ABCA1: variants seen among roughly 807,000 people sequenced by gnomAD.
ABCA1 encodes the protein phospholipid-transporting ATPase ABCA1.
A neutral mutation model predicts 262.5 loss-of-function variants in ABCA1; 133 were observed. The observed-to-expected ratio is 0.51, with a 90% CI of 0.44 to 0.59. The LOEUF (loss-of-function observed/expected upper bound fraction) is 0.59. ABCA1 is among the 20% of genes least tolerant of loss of function. The pLI is 0.00. For synonymous variants in ABCA1, 1,022 were observed against 1,043.5 expected, an observed-to-expected ratio of 0.98 and a Z score of 0.40; for missense variants, 2,452 against 2,777.5, an observed-to-expected ratio of 0.88 and a Z score of 2.63.
In ABCA1 at chr9:104,816,170, A is replaced by G. The variant is rs1831735758; in HGVS notation, c.3711T>C (p.Tyr1237=). 6.2e-7 allele frequency: 1 copy of G among 1,614,180 alleles called. No homozygotes were observed. The highest frequency in any genetic ancestry group is 8.5e-7 in the Non-Finnish European group (1 of 1,180,026). The change falls in exon 25 of 50, where the codon TAT becomes TAC. Residue 1237 remains tyrosine (Y), a synonymous_variant. Coordinates refer to ENST00000374736, the MANE Select transcript of ABCA1 (RefSeq NM_005502.4). ...DRLSDLGISS[Y]GISETTLEEI... ...CTTCCAGGGTCGTCTCTGAGATGCC[A>G]TAACTAGAAATGCCCAGGTCTGAGA...
intron 5 of ABCA1, among the ~76,000 whole-genome samples, chr9:104,882,028 TAAAAA>T (rs557626075): frequency 0.036 from 2,622 of 73,702 alleles, 86 homozygotes; most frequent in Admixed American, 0.048. Flanking sequence ...TCTGTAGCCT[TAAAAA>T]AAAAAAAAAA....
chr9:104,805,974 GC>G (rs1476391146), intron 31 of ABCA1, among the ~76,000 whole-genome samples: 1 of 152,092 alleles, frequency 6.6e-6, no homozygotes, highest in Non-Finnish European at 1.5e-5. Flanking sequence ...ACATGGTGGT[GC>G]GTGCCTGTAA....
At chr9:104,792,111 T>C in intron 42 of ABCA1, 113 bp from the exon 43 acceptor site, 1 of 967,330 alleles carries the variant, frequency 1.0e-6, no homozygotes, top group Non-Finnish European at 1.6e-6. Context: ...GACTTGTCAA[T>C]AACCCTAAGC....
chr9:104,840,173 G>A (rs1056082102), intron 9 of ABCA1, 106 bp downstream of exon 9: 25 of 1,586,872 alleles, frequency 1.6e-5, no homozygotes, highest in Non-Finnish European at 2.0e-5. Context: ...AAATGGGCAT[G>A]TAGACATCTA....
At chr9:104,875,267 C>T (rs1234148533) in intron 5 of ABCA1, among the ~76,000 whole-genome samples, 2 of 149,288 alleles carry the variant, frequency 1.3e-5, no homozygotes, top group Non-Finnish European at 3.0e-5. Context: ...CGCTTGAATC[C>T]AGGAGGCGGT....
chr9:104,884,935 A>T (rs1219779164), intron 3 of ABCA1, among the ~76,000 whole-genome samples: 3 of 152,216 alleles, frequency 2.0e-5, no homozygotes, highest in Non-Finnish European at 4.4e-5. Context: ...TAAGGAGGTA[A>T]CTACGGTAAG....
chr9:104,801,790 C>T (rs935383496), intron 34 of ABCA1, among the ~76,000 whole-genome samples: 4 of 152,176 alleles, frequency 2.6e-5, no homozygotes, highest in Non-Finnish European at 4.4e-5. Context: ...GTGATCCACC[C>T]GCTTCGGCCT....
At chr9:104,920,848 A>T (rs1842105665) in intron 1 of ABCA1, among the ~76,000 whole-genome samples, 1 of 152,146 alleles carries the variant, frequency 6.6e-6, no homozygotes, top group African/African-American at 2.4e-5. Flanking sequence ...CACTCGTATG[A>T]ATAAATTTCA....
chr9:104,781,681 A>G lies in ABCA1; in HGVS notation c.*2634T>C, dbSNP rs1828555825. ...TGAATTGTGCTGGGCATTTATGTAT[A>G]GAGGGCTTATTATTTTCTTCTGTAT... is the stretch of plus-strand genomic sequence containing the variant. On this transcript the variant is annotated 3_prime_UTR_variant, in exon 50 of 50. Transcript: ENST00000374736. 1 of 152,590 alleles carries G rather than the reference A, an allele frequency of 6.6e-6. No homozygotes were observed. Among genetic ancestry groups the G allele is most frequent in the South Asian group, 2.1e-4 (1 of 4,834 alleles). 9.5% of individuals were successfully genotyped at this position (152,590 alleles called of 1,614,324 possible). A position where few individuals can be genotyped will look rare whatever the true frequency, so the allele number is the denominator to read the frequency against.
chr9:104,819,192 C>T (rs1032053321), intron 22 of ABCA1, among the ~76,000 whole-genome samples: 14 of 152,154 alleles, frequency 9.2e-5, no homozygotes, highest in African/African-American at 2.7e-4. Flanking sequence ...CTATTATTAT[C>T]GGCAAAGAAG....
chr9:104,889,261 A>G, intron 2 of ABCA1, 66 bp from the exon 3 acceptor site: 1 of 1,558,912 alleles, frequency 6.4e-7, no homozygotes, highest in Non-Finnish European at 8.7e-7. Flanking sequence ...TGCCACTGGG[A>G]TCTGGGAAAT....
chr9:104,820,870 C>T (rs1045554576), intron 20 of ABCA1, among the ~76,000 whole-genome samples: 2 of 152,200 alleles, frequency 1.3e-5, no homozygotes, highest in Non-Finnish European at 2.9e-5. Flanking sequence ...ACAGCTCAAC[C>T]ATTCACCTCC....
At chr9:104,815,253 G>T (rs73519841) in intron 25 of ABCA1, among the ~76,000 whole-genome samples, 8,112 of 152,272 alleles carry the variant, frequency 0.053, 693 homozygotes, top group African/African-American at 0.18. Flanking sequence ...CTAGTCTATA[G>T]ACCACTGTGT....
At chr9:104,805,119 G>T (rs938706873) in intron 31 of ABCA1, among the ~76,000 whole-genome samples, 5 of 152,066 alleles carry the variant, frequency 3.3e-5, no homozygotes, top group Admixed American at 3.3e-4. Context: ...GTGTTGCTCA[G>T]GCTGGAGTAC....
chr9:104,840,417 G>C lies in ABCA1; in HGVS notation c.916C>G (p.Arg306Gly), dbSNP rs369985671. The C allele has an allele frequency of 1.2e-6, 2 of 1,614,020 alleles. No individual in the cohort carries two copies. The highest frequency in any genetic ancestry group is 2.7e-5 in the African/African-American group (2 of 74,896). The part of the protein sequence containing the change: ...SSTQIYQAVS[R>G]IVCGHPEGGG... The stretch of plus-strand genomic sequence containing the variant: ...CCCTCGGGATGCCCGCAGACAATAC[G>C]AGACACAGCCTGGTAGATTTGGGTG... The change falls in exon 9 of 50, where the codon CGT becomes GGT. Residue 306 changes from arginine to glycine, a missense_variant. Arg to Gly is a moderately radical substitution (Grantham distance 125, BLOSUM62 -2). Coordinates refer to ENST00000374736, the MANE Select transcript of ABCA1 (RefSeq NM_005502.4).
At chr9:104,833,464 A>G (rs191353263) in intron 11 of ABCA1, among the ~76,000 whole-genome samples, 21 of 152,324 alleles carry the variant, frequency 1.4e-4, no homozygotes, top group African/African-American at 2.2e-4. Context: ...TTACAGGCAC[A>G]AGCCACCAGC....
rs1339588945 is a variant in ABCA1, at chr9:104,782,406, T to C, written c.*1909A>G. ...ATCTGAAGTCTTACACCTTTAGCGT[T>C]AATATTCAAATTCTGGAAAAAGTGG... is the stretch of plus-strand genomic sequence containing the variant. On this transcript the variant is annotated 3_prime_UTR_variant, in exon 50 of 50. Coordinates refer to ENST00000374736, the MANE Select transcript of ABCA1 (RefSeq NM_005502.4). 6.6e-6 allele frequency: 1 copy of C among 152,130 alleles called. No individual in the cohort carries two copies. Among genetic ancestry groups the C allele is most frequent in the Non-Finnish European group, 1.5e-5 (1 of 67,974 alleles). The allele number at this position is 152,130 out of a possible 1,614,324, so 9.4% of individuals were successfully genotyped here.
rs149849982 is a variant in ABCA1 at position 104,845,792 on chromosome 9, A to T, written c.721-223T>A. 1.4e-4 allele frequency among the ~76,000 whole-genome samples: 21 copies of T among 152,378 alleles called. No homozygotes were observed. In the East Asian group the frequency reaches 3.9e-3, roughly 28 times the overall value. ...ATTAATGGTTTTAAATGAAGTAGGA[A>T]TATTGTACTTAAAACTAGTTAATAT... On this transcript the variant is annotated intron_variant, in intron 7 of 49. Transcript: ENST00000374736.
chr9:104,812,515 C>T, intron 28 of ABCA1, 59 bp downstream of exon 28: 1 of 1,609,918 alleles, frequency 6.2e-7, no homozygotes, highest in Non-Finnish European at 8.5e-7. Flanking sequence ...CTTCACTGGT[C>T]ACAGAGCCTG....
Sources: allele counts gnomAD v4.1 joint callset (sites outside exome capture counted in the v4.1 genomes callset), GRCh38; gene constraint gnomAD v4.1.1; transcripts MANE v1.5; gene names NCBI Gene and HGNC (gene_info 2026-07-23, HGNC 2026-07-21).